Variants in GPHN observed in about 807,000 individuals in gnomAD.
GPHN encodes gephyrin.
GPHN carries 17 observed loss-of-function variants against 95.5 expected under a neutral mutation model. The observed-to-expected ratio is 0.18, with a 90% confidence interval of 0.12 to 0.27. The LOEUF is 0.27. Ranked by LOEUF, GPHN falls within the 10% of genes least tolerant of loss-of-function variation. The pLI, the probability that GPHN is intolerant of heterozygous loss-of-function variation, is 1.00. For missense variants in GPHN, 660 were observed against 978.1 expected (o/e 0.67, Z 4.34); for synonymous variants, 320 against 322.5 (o/e 0.99, Z 0.08).
chr14:66,759,886 A>G (rs2058698196), intron 2 of GPHN, among the ~76,000 whole-genome samples: 1 of 152,206 alleles, frequency 6.6e-6, no homozygotes, highest in Non-Finnish European at 1.5e-5. Flanking sequence ...GAAAATTTAA[A>G]TTAGAGAAAC....
At chr14:67,242,870 A>G in the GPHN span, among the ~76,000 whole-genome samples, 13 of 152,352 alleles carry the variant, frequency 8.5e-5, no homozygotes, top group African/African-American at 3.1e-4. Flanking sequence ...GATTAACATT[A>G]ATTTGTTTTA....
chr14:67,500,147 G>A, the GPHN span, among the ~76,000 whole-genome samples: 42 of 152,210 alleles, frequency 2.8e-4, no homozygotes, highest in East Asian at 6.0e-3. Context: ...CTGGGCAACA[G>A]AGTGAGACCC....
At chr14:66,595,356 G>A (rs1009381900) in intron 1 of GPHN, among the ~76,000 whole-genome samples, 9 of 152,192 alleles carry the variant, frequency 5.9e-5, no homozygotes, top group African/African-American at 2.2e-4. Flanking sequence ...TTCTGTCACG[G>A]CATCCTTGGA....
chr14:67,313,531 C>A, the GPHN span, among the ~76,000 whole-genome samples: 1 of 152,078 alleles, frequency 6.6e-6, no homozygotes, highest in South Asian at 2.1e-4. Flanking sequence ...TCTTACAGTT[C>A]CCAGGATGGC....
chr14:66,603,655 G>A (rs554896484), intron 1 of GPHN, among the ~76,000 whole-genome samples: 3 of 151,924 alleles, frequency 2.0e-5, no homozygotes, highest in East Asian at 1.9e-4. Context: ...AATGTACCTT[G>A]CAACTATACT....
intron 1 of GPHN, among the ~76,000 whole-genome samples, chr14:66,670,798 T>A (rs1001623115): frequency 4.6e-5 from 7 of 151,770 alleles, no homozygotes; most frequent in African/African-American, 1.5e-4. Context: ...TCTCAAAAAA[T>A]AAATAAATAA....
chr14:67,500,867 G>C, the GPHN span, among the ~76,000 whole-genome samples: 1 of 151,670 alleles, frequency 6.6e-6, no homozygotes, highest in Non-Finnish European at 1.5e-5. Flanking sequence ...CACCGCGCCT[G>C]GCCTGGATAT....
chr14:67,506,092 C>T, the GPHN span, among the ~76,000 whole-genome samples: 28 of 152,274 alleles, frequency 1.8e-4, 1 homozygote, highest in Middle Eastern at 3.4e-3. Context: ...AAAATATGGA[C>T]CAGGAAGCTG....
At chr14:66,763,868 G>A (rs1354389353) in intron 2 of GPHN, among the ~76,000 whole-genome samples, 2 of 152,008 alleles carry the variant, frequency 1.3e-5, no homozygotes, top group Non-Finnish European at 2.9e-5. Context: ...CAGATCAGTG[G>A]CAGCATTAGA....
intron 2 of GPHN, among the ~76,000 whole-genome samples, chr14:66,733,925 T>G (rs2072026975): frequency 6.6e-6 from 1 of 152,144 alleles, no homozygotes; most frequent in African/African-American, 2.4e-5. Flanking sequence ...TATTTTTCCT[T>G]CATCACCACC....
chr14:67,459,775 A>G, the GPHN span, among the ~76,000 whole-genome samples: 4 of 152,326 alleles, frequency 2.6e-5, no homozygotes, highest in East Asian at 7.7e-4. Flanking sequence ...CAACAATTAT[A>G]TCGTTGAAGT....
At chr14:67,631,549 C>G in the GPHN span, among the ~76,000 whole-genome samples, 1 of 150,622 alleles carries the variant, frequency 6.6e-6, no homozygotes, top group Non-Finnish European at 1.5e-5. Flanking sequence ...GATCCTCCTA[C>G]TTTAGCCTCC....
At chr14:66,936,705 G>T (rs2067149721) in intron 8 of GPHN, among the ~76,000 whole-genome samples, 1 of 152,108 alleles carries the variant, frequency 6.6e-6, no homozygotes, top group South Asian at 2.1e-4. Flanking sequence ...AATAATGAGA[G>T]AACTAGTAAG....
intron 9 of GPHN, among the ~76,000 whole-genome samples, chr14:66,979,950 A>G (rs955272217): frequency 2.0e-5 from 3 of 152,138 alleles, no homozygotes; most frequent in African/African-American, 7.2e-5. Context: ...AGAGGTAGAA[A>G]GACAAGGAAT....
Position 67,155,057 on chromosome 14 carries a change from G to A in GPHN, c.1837-4358G>A, listed in dbSNP as rs531088211. Among the ~76,000 whole-genome samples the A allele has an allele frequency of 1.6e-4, 25 of 152,236 alleles. 1 individual carries two copies. The South Asian group carries it at 5.2e-3, about 32-fold the overall frequency. ...ATACTACAGGAGGCAAAGAAGCCAA[G>A]CATAAAAAAGAGTAGCTAAGAAGCT... On this transcript the variant is annotated intron_variant, in intron 18 of 22. Coordinates refer to ENST00000478722, the MANE Select transcript of GPHN (RefSeq NM_020806.5).
chr14:66,692,694 G>A (rs1415693365), intron 2 of GPHN, among the ~76,000 whole-genome samples: 1 of 151,560 alleles, frequency 6.6e-6, no homozygotes, highest in Non-Finnish European at 1.5e-5. Context: ...ATGACATTTT[G>A]GTCTCTATGA....
chr14:66,871,486 G>T (rs2063431658), intron 4 of GPHN, among the ~76,000 whole-genome samples: 1 of 152,118 alleles, frequency 6.6e-6, no homozygotes, highest in African/African-American at 2.4e-5. Context: ...GATGTTTAGG[G>T]CTCTGATTTT....
At chr14:66,813,156 G>A (rs2060828720) in intron 3 of GPHN, among the ~76,000 whole-genome samples, 1 of 152,060 alleles carries the variant, frequency 6.6e-6, no homozygotes, top group Non-Finnish European at 1.5e-5. Context: ...AATTTTTTGT[G>A]TATGTTTTGC....
At chr14:67,303,487 C>G in the GPHN span, 2 of 1,519,446 alleles carry the variant, frequency 1.3e-6, no homozygotes, top group South Asian at 1.1e-5. Flanking sequence ...TTCATAAATG[C>G]AAATTTAAAA....
Sources: gnomAD v4.1 joint callset for allele counts (sites outside exome capture counted in the v4.1 genomes callset) on GRCh38, gnomAD v4.1.1 for gene constraint, MANE v1.5 for transcripts, NCBI Gene and HGNC (gene_info 2026-07-23, HGNC 2026-07-21) for gene names.